The following ADGRV1 variants were observed in gnomAD, a reference collection of about 807,000 sequenced individuals.
ADGRV1 encodes the protein G-protein coupled receptor 98.
ADGRV1 carries 359 observed loss-of-function variants against 596.2 expected under a neutral mutation model. The observed-to-expected ratio is 0.60, with a 90% CI of 0.55 to 0.66. The LOEUF (loss-of-function observed/expected upper bound fraction) is 0.66, where lower values mean the gene tolerates loss of function less well. ADGRV1 is among the 30% of genes least tolerant of loss of function. The pLI is 0.00. For synonymous variants in ADGRV1, 2,681 were observed against 2,679.2 expected (o/e 1.00, Z -0.02); for missense variants, 7,274 against 7,575.6 (o/e 0.96, Z 1.48).
At position 90,683,772 on chromosome 5, in the gene ADGRV1, G is replaced by A. The variant is rs4916684; in HGVS notation, c.5851G>A (p.Val1951Ile). ...ACTGGATAAGGCATTCTCTGTGTCA[G>A]TCCTCAGTGTTTCCAGTGGTTCTTT... ...PELDKAFSVS[V>I]LSVSSGSLGA... Residue 1951 changes from valine to isoleucine, a missense_variant, in exon 28 of 90, where the codon GTC (valine) becomes ATC (isoleucine). By Grantham distance (29) the Val-to-Ile change is conservative. This residue lies in a region of ADGRV1 where 3,643 missense variants were observed against 3,809.2 expected (regional missense o/e 0.96). Coordinates refer to ENST00000405460, the MANE Select transcript of ADGRV1 (RefSeq NM_032119.4). The A allele has an allele frequency of 0.67, 1,078,713 of 1,613,458 alleles. 364,981 individuals carry two copies. Among genetic ancestry groups the A allele is most frequent in the African/African-American group, 0.9 (67,420 of 74,938 alleles).
At chr5:90,593,583 A>G (rs1759824037) in intron 1 of ADGRV1, among the ~76,000 whole-genome samples, 1 of 152,186 alleles carries the variant, frequency 6.6e-6, no homozygotes, top group Non-Finnish European at 1.5e-5. Context: ...CATGTACCCT[A>G]GAACTTAAAG....
At chr5:90,764,318 T>C (rs1382403335) in intron 59 of ADGRV1, among the ~76,000 whole-genome samples, 1 of 152,218 alleles carries the variant, frequency 6.6e-6, no homozygotes, top group Non-Finnish European at 1.5e-5. Flanking sequence ...CTGTCCGCCA[T>C]TGCTGGGACA....
In ADGRV1 at chr5:90,567,228, T is replaced by C. The variant is rs538383802; in HGVS notation, c.22+8311T>C. ...TAGTATTTTGTTAAGAGTTTTTGTG[T>C]CAATATTCATAAGGGATACTTGTCT... On this transcript the variant is annotated intron_variant, in intron 1 of 89. Transcript: ENST00000405460. Among the ~76,000 whole-genome samples the C allele has an allele frequency of 1.1e-4, 17 of 152,296 alleles. 1 individual carries two copies. The South Asian group carries it at 3.3e-3, about 30-fold the overall frequency.
At chr5:90,672,873 A>G (rs1004251772) in intron 22 of ADGRV1, 151 bp downstream of exon 22, 69 of 580,566 alleles carry the variant, frequency 1.2e-4, no homozygotes, top group Non-Finnish European at 1.7e-4. Context: ...TGCTTCAAAC[A>G]TGTCTGCTGT....
At chr5:91,052,111 C>A (rs1005231638) in intron 85 of ADGRV1, among the ~76,000 whole-genome samples, 1 of 151,618 alleles carries the variant, frequency 6.6e-6, no homozygotes, top group Non-Finnish European at 1.5e-5. Flanking sequence ...TTTTCTTTTT[C>A]TTTTCAATAG....
intron 50 of ADGRV1, among the ~76,000 whole-genome samples, chr5:90,734,711 G>A (rs536608121): frequency 4.0e-5 from 6 of 150,678 alleles, no homozygotes; most frequent in South Asian, 2.1e-4. Flanking sequence ...TCAGCCTCCC[G>A]AGTAGCTGGG....
chr5:90,812,895 G>A (rs1561785920), intron 74 of ADGRV1, among the ~76,000 whole-genome samples: 1 of 151,766 alleles, frequency 6.6e-6, no homozygotes, highest in East Asian at 1.9e-4. Context: ...ACTTTGGGAG[G>A]CCGAGTCGGG....
chr5:90,647,897 A>G (rs1292173773), intron 17 of ADGRV1, 133 bp downstream of exon 17: 13 of 740,672 alleles, frequency 1.8e-5, no homozygotes, highest in Non-Finnish European at 8.6e-6. Flanking sequence ...AAATTATTTC[A>G]TTGCTTTCTT....
intron 86 of ADGRV1, among the ~76,000 whole-genome samples, chr5:91,085,518 A>G (rs1193553414): frequency 2.6e-5 from 4 of 152,222 alleles, no homozygotes; most frequent in Non-Finnish European, 5.9e-5. Context: ...CATGAAAACA[A>G]CATGCTGTTA....
At chr5:90,774,423 A>T (rs889054644) in intron 60 of ADGRV1, 120 bp downstream of exon 60, 2 of 616,820 alleles carry the variant, frequency 3.2e-6, no homozygotes, top group African/African-American at 1.9e-5. Context: ...AAACATAAAG[A>T]TACCATTTTC....
intron 54 of ADGRV1, among the ~76,000 whole-genome samples, chr5:90,754,351 G>A (rs890463486): frequency 6.6e-6 from 1 of 152,122 alleles, no homozygotes. Context: ...TGCTGGTGAA[G>A]GTTCTAAGAT....
chr5:90,713,150 G>T (rs1266464312), intron 42 of ADGRV1, among the ~76,000 whole-genome samples: 1 of 152,082 alleles, frequency 6.6e-6, no homozygotes, highest in African/African-American at 2.4e-5. Context: ...GTTTTAGTCA[G>T]TGGCTGAGCT....
intron 82 of ADGRV1, among the ~76,000 whole-genome samples, chr5:90,857,499 T>C (rs1176506830): frequency 6.6e-6 from 1 of 152,188 alleles, no homozygotes; most frequent in African/African-American, 2.4e-5. Context: ...AATAAATACC[T>C]GTATATCTTT....
chr5:90,730,176 G>A (rs895704292), intron 50 of ADGRV1, among the ~76,000 whole-genome samples: 3 of 152,126 alleles, frequency 2.0e-5, no homozygotes, highest in Admixed American at 6.5e-5. Flanking sequence ...TATTTTAATA[G>A]GAATGTAACA....
At chr5:90,637,339 AT>A (rs1486884235) in intron 10 of ADGRV1, among the ~76,000 whole-genome samples, 2 of 152,038 alleles carry the variant, frequency 1.3e-5, no homozygotes, top group East Asian at 3.9e-4. Flanking sequence ...TTCAGTTTAT[AT>A]TGTGATAGTA....
intron 83 of ADGRV1, among the ~76,000 whole-genome samples, chr5:90,954,289 GCT>G (rs1431070030): frequency 6.6e-6 from 1 of 151,080 alleles, no homozygotes; most frequent in East Asian, 1.9e-4. Context: ...GTATATATGT[GCT>G]CACTAAATGT....
intron 86 of ADGRV1, among the ~76,000 whole-genome samples, chr5:91,100,331 G>A (rs1358463764): frequency 6.6e-6 from 1 of 152,110 alleles, no homozygotes; most frequent in African/African-American, 2.4e-5. Context: ...CTGAGAGGTG[G>A]CAGGATGGCT....
intron 82 of ADGRV1, among the ~76,000 whole-genome samples, chr5:90,861,038 G>A (rs1767502580): frequency 6.6e-6 from 1 of 151,924 alleles, no homozygotes; most frequent in African/African-American, 2.4e-5. Flanking sequence ...TTCAAATATT[G>A]TAGAGATAGA....
chr5:90,859,827 G>A (rs1281826767), intron 82 of ADGRV1, among the ~76,000 whole-genome samples: 1 of 151,736 alleles, frequency 6.6e-6, no homozygotes, highest in Non-Finnish European at 1.5e-5. Context: ...TTTAAGGCTG[G>A]GTGCTGTGAC....
Sources: allele counts gnomAD v4.1 joint callset (sites outside exome capture counted in the v4.1 genomes callset), GRCh38; gene constraint gnomAD v4.1.1; regional missense constraint gnomAD v4.1.1; transcripts MANE v1.5; gene names NCBI Gene and HGNC (gene_info 2026-07-23, HGNC 2026-07-21).